Variants in ALG5 observed in about 807,000 individuals in gnomAD.
ALG5 encodes ALG5 dolichyl-phosphate beta-glucosyltransferase.
ALG5 carries 26 observed loss-of-function variants against 51.8 expected under a neutral mutation model. The observed-to-expected ratio is 0.50, with a 90% CI of 0.37 to 0.70. The LOEUF is 0.70. Ranked by LOEUF, ALG5 falls within the 30% of genes least tolerant of loss-of-function variation. ALG5 has a pLI of 0.00. For synonymous variants in ALG5, 141 were observed against 136.1 expected, an observed-to-expected ratio of 1.04 and a Z score of -0.25; for missense variants, 311 against 399.3, an observed-to-expected ratio of 0.78 and a Z score of 1.88.
chr13:36,998,555 T>A (rs1292717114), intron 1 of ALG5, among the ~76,000 whole-genome samples: 2 of 152,154 alleles, frequency 1.3e-5, no homozygotes, highest in Admixed American at 1.3e-4. Context: ...GTTTACAATG[T>A]TTTTGTGTTT....
chr13:36,994,373 T>G (rs2059039356), intron 3 of ALG5, among the ~76,000 whole-genome samples: 1 of 152,186 alleles, frequency 6.6e-6, no homozygotes, highest in African/African-American at 2.4e-5. Context: ...CCAAGGGGAT[T>G]CCAATGGCAG....
At chr13:36,962,514 C>T (rs907682603) in intron 8 of ALG5, among the ~76,000 whole-genome samples, 2 of 151,846 alleles carry the variant, frequency 1.3e-5, no homozygotes, top group East Asian at 1.9e-4. Flanking sequence ...AAAAACAAAC[C>T]GAGACAGGTT....
intron 8 of ALG5, among the ~76,000 whole-genome samples, chr13:36,959,863 A>G (rs2058857938): frequency 6.6e-6 from 1 of 151,908 alleles, no homozygotes; most frequent in Admixed American, 6.6e-5. Flanking sequence ...TAAATAAGGA[A>G]ATGGAGATAG....
chr13:36,957,650 G>A (rs2058846413), intron 8 of ALG5, among the ~76,000 whole-genome samples: 1 of 152,034 alleles, frequency 6.6e-6, no homozygotes, highest in African/African-American at 2.4e-5. Flanking sequence ...GCCTTACTAG[G>A]AATCCGAAAC....
chr13:36,955,733 A>T (rs2058837148), intron 8 of ALG5, among the ~76,000 whole-genome samples: 1 of 151,462 alleles, frequency 6.6e-6, no homozygotes, highest in Non-Finnish European at 1.5e-5. Context: ...CATTTCTCAG[A>T]ACTAAAGGAC....
chr13:36,996,938 T>C (rs1026057390), intron 1 of ALG5, among the ~76,000 whole-genome samples: 3 of 152,170 alleles, frequency 2.0e-5, no homozygotes, highest in African/African-American at 7.2e-5. Flanking sequence ...AGATCCATCT[T>C]AACACCAGAG....
chr13:36,952,691 G>T, intron 8 of ALG5, 92 bp from the exon 9 acceptor site: 1 of 687,504 alleles, frequency 1.5e-6, no homozygotes, highest in Non-Finnish European at 2.3e-6. Flanking sequence ...AGCTTACATG[G>T]CAGATATAAA....
chr13:36,966,845 T>C (rs1193355262), intron 7 of ALG5, among the ~76,000 whole-genome samples: 1 of 152,360 alleles, frequency 6.6e-6, no homozygotes, highest in East Asian at 1.9e-4. Context: ...TTCAAAATTA[T>C]AATTTTTAGT....
At chr13:36,994,731 C>G (rs2059041040) in intron 3 of ALG5, among the ~76,000 whole-genome samples, 1 of 151,844 alleles carries the variant, frequency 6.6e-6, no homozygotes, top group African/African-American at 2.4e-5. Flanking sequence ...TATCATCAAG[C>G]AAGACAGGAT....
At chr13:36,993,856 G>A (rs1473958119) in intron 3 of ALG5, among the ~76,000 whole-genome samples, 184 bp from the exon 4 acceptor site, 1 of 152,182 alleles carries the variant, frequency 6.6e-6, no homozygotes, top group East Asian at 1.9e-4. Context: ...GAGATCCTGG[G>A]TAGAGGTGGA....
At chr13:36,990,638 T>C (rs1194093901) in intron 4 of ALG5, among the ~76,000 whole-genome samples, 1 of 152,240 alleles carries the variant, frequency 6.6e-6, no homozygotes, top group African/African-American at 2.4e-5. Context: ...CTCTCCTGTG[T>C]CACCTAGTTA....
chr13:36,957,737 A>T (rs1185242760), intron 8 of ALG5, among the ~76,000 whole-genome samples: 1 of 152,110 alleles, frequency 6.6e-6, no homozygotes, highest in Non-Finnish European at 1.5e-5. Context: ...CTTGTGCTTG[A>T]CCAAGAGACG....
At chr13:36,982,092 AAAAC>A (rs551296238) in intron 6 of ALG5, among the ~76,000 whole-genome samples, 10 of 152,192 alleles carry the variant, frequency 6.6e-5, no homozygotes, top group South Asian at 2.1e-4. Context: ...CTCTGTCTCA[AAAAC>A]AAACAAACAA....
intron 5 of ALG5, among the ~76,000 whole-genome samples, chr13:36,989,038 C>G (rs773724719): frequency 1.7e-4 from 26 of 152,138 alleles, no homozygotes; most frequent in Non-Finnish European, 3.5e-4. Context: ...TAATTATAAT[C>G]TTCTTTTTTA....
chr13:36,995,261 C>A (rs1034045812), intron 2 of ALG5, among the ~76,000 whole-genome samples, 164 bp downstream of exon 2: 1 of 152,152 alleles, frequency 6.6e-6, no homozygotes, highest in African/African-American at 2.4e-5. Context: ...TTCATGAGAG[C>A]AAATATTCAC....
chr13:36,977,971 C>T (rs556135973), intron 6 of ALG5, among the ~76,000 whole-genome samples: 2 of 149,742 alleles, frequency 1.3e-5, no homozygotes, highest in African/African-American at 4.9e-5. Flanking sequence ...ATTGCAACAA[C>T]CACTTCCTGG....
intron 6 of ALG5, among the ~76,000 whole-genome samples, chr13:36,979,352 A>G (rs186429894): frequency 2.0e-4 from 31 of 152,226 alleles, no homozygotes; most frequent in Admixed American, 1.6e-3. Flanking sequence ...AAAACAAATG[A>G]CTTTGGAGGT....
At chr13:36,975,172 T>C (rs1330216011) in intron 6 of ALG5, among the ~76,000 whole-genome samples, 2 of 152,144 alleles carry the variant, frequency 1.3e-5, no homozygotes, top group Non-Finnish European at 2.9e-5. Context: ...GATTGCACCA[T>C]TGCATCCCAG....
intron 8 of ALG5, among the ~76,000 whole-genome samples, chr13:36,958,484 G>A (rs2138783336): frequency 6.6e-6 from 1 of 152,228 alleles, no homozygotes; most frequent in East Asian, 1.9e-4. Context: ...ATCTACCATG[G>A]ACCCCTGGAC....
Sources: allele counts gnomAD v4.1 joint callset (sites outside exome capture counted in the v4.1 genomes callset), GRCh38; gene constraint gnomAD v4.1.1; transcripts MANE v1.5; gene names NCBI Gene and HGNC (gene_info 2026-07-23, HGNC 2026-07-21).